The following NCKAP5 variants were observed in gnomAD, a reference collection of about 807,000 sequenced individuals.
The protein encoded by NCKAP5 is NCK associated protein 5.
NCKAP5 carries 92 observed loss-of-function variants against 167.0 expected under a neutral mutation model. The ratio of observed to expected loss-of-function variants is 0.55; its 90% CI spans 0.47 to 0.66. NCKAP5 has a LOEUF of 0.66. Ranked by LOEUF, NCKAP5 falls within the 30% of genes least tolerant of loss-of-function variation. The pLI, the probability that NCKAP5 is intolerant of heterozygous loss-of-function variation, is 0.00. For missense variants in NCKAP5, 2,378 were observed against 2,315.0 expected (o/e 1.03, Z -0.56); for synonymous variants, 891 against 877.4 (o/e 1.02, Z -0.27).
At chr2:132,860,790 T>C (rs1447547) in intron 10 of NCKAP5, among the ~76,000 whole-genome samples, 179 bp from the exon 11 acceptor site, 147,670 of 152,338 alleles carry the variant, frequency 0.97, 71,606 homozygotes, top group East Asian at 1. Context: ...AGAATTATTA[T>C]GTGCAAAGAA....
At chr2:133,033,685 A>C (rs2078953192) in intron 6 of NCKAP5, among the ~76,000 whole-genome samples, 1 of 152,110 alleles carries the variant, frequency 6.6e-6, no homozygotes, top group Non-Finnish European at 1.5e-5. Context: ...AAAAAGAATC[A>C]AGCACTAATT....
intron 4 of NCKAP5, among the ~76,000 whole-genome samples, chr2:133,224,207 G>A (rs1266480903): frequency 6.6e-6 from 1 of 152,166 alleles, no homozygotes; most frequent in Admixed American, 6.5e-5. Context: ...CACTCATGCA[G>A]TCCATGAAGT....
Position 133,138,836 on chromosome 2 carries a change from T to G in NCKAP5, c.208-8725A>C, listed in dbSNP as rs146946152. Among the ~76,000 whole-genome samples the G allele has an allele frequency of 6.9e-4, 105 of 152,336 alleles. 1 individual carries two copies. Among genetic ancestry groups the G allele is most frequent in the African/African-American group, 2.4e-3 (99 of 41,564 alleles). On this transcript the variant is annotated intron_variant, in intron 5 of 19. Transcript: ENST00000409261. ...CAATTCAGATATCTGCATTACACAG[T>G]TGCTCACTACGGGTCAGCTAGACAC...
intron 6 of NCKAP5, among the ~76,000 whole-genome samples, chr2:133,038,825 C>T (rs1054573419): frequency 6.6e-6 from 1 of 151,948 alleles, no homozygotes; most frequent in Non-Finnish European, 1.5e-5. Flanking sequence ...ATAATCAGGT[C>T]TTTTGCCATG....
chr2:133,143,523 T>C (rs543508890), intron 5 of NCKAP5, among the ~76,000 whole-genome samples: 3 of 152,318 alleles, frequency 2.0e-5, no homozygotes, highest in Admixed American at 2.0e-4. Context: ...GCCACTGGCA[T>C]TAAATCTGAA....
At chr2:132,711,355 A>T (rs1688831863) in intron 19 of NCKAP5, among the ~76,000 whole-genome samples, 1 of 152,220 alleles carries the variant, frequency 6.6e-6, no homozygotes, top group African/African-American at 2.4e-5. Context: ...TTATAATAAT[A>T]ACATAGCCAG....
intron 4 of NCKAP5, among the ~76,000 whole-genome samples, chr2:133,297,325 T>C (rs1680038983): frequency 6.6e-6 from 1 of 152,174 alleles, no homozygotes; most frequent in Non-Finnish European, 1.5e-5. Flanking sequence ...ATTCTCAGTT[T>C]TCCTCTTTAG....
chr2:133,110,550 A>G (rs1193855856), intron 6 of NCKAP5, among the ~76,000 whole-genome samples: 2 of 152,216 alleles, frequency 1.3e-5, no homozygotes, highest in Non-Finnish European at 2.9e-5. Context: ...TCTGTCTGTT[A>G]GGGCGAGAAA....
intron 2 of NCKAP5, among the ~76,000 whole-genome samples, chr2:133,519,915 C>T (rs934873632): frequency 6.6e-6 from 1 of 152,080 alleles, no homozygotes; most frequent in Non-Finnish European, 1.5e-5. Context: ...CGGCCGGGCA[C>T]GGTGGCTCAC....
intron 2 of NCKAP5, among the ~76,000 whole-genome samples, chr2:133,548,077 G>A (rs1686910627): frequency 6.8e-6 from 1 of 147,308 alleles, no homozygotes; most frequent in South Asian, 2.2e-4. Context: ...ACTACGTGAA[G>A]AATGCAGAAG....
chr2:133,151,474 T>C (rs1445155270), intron 5 of NCKAP5, among the ~76,000 whole-genome samples: 1 of 151,670 alleles, frequency 6.6e-6, no homozygotes, highest in Non-Finnish European at 1.5e-5. Context: ...CGTTAAGAAG[T>C]GAGCAAAAGA....
intron 7 of NCKAP5, among the ~76,000 whole-genome samples, chr2:132,975,751 G>A (rs1266944788): frequency 6.6e-6 from 1 of 151,820 alleles, no homozygotes; most frequent in African/African-American, 2.4e-5. Context: ...AATTTCAGTG[G>A]GTAATAGTTA....
chr2:132,777,537 A>G (rs185714447), intron 15 of NCKAP5, among the ~76,000 whole-genome samples: 268 of 152,280 alleles, frequency 1.8e-3, no homozygotes, highest in African/African-American at 6.1e-3. Context: ...GTCAAAGCTC[A>G]TTTGAAAAGG....
chr2:133,223,483 C>T (rs888937480), intron 4 of NCKAP5, among the ~76,000 whole-genome samples: 1 of 152,092 alleles, frequency 6.6e-6, no homozygotes, highest in Non-Finnish European at 1.5e-5. Flanking sequence ...GGGAGACCAG[C>T]GACGGCAGTC....
chr2:133,355,335 C>A (rs1684637015), intron 3 of NCKAP5, among the ~76,000 whole-genome samples: 1 of 152,134 alleles, frequency 6.6e-6, no homozygotes, highest in Admixed American at 6.5e-5. Flanking sequence ...AATAAAATGT[C>A]CTGAGATTTG....
intron 4 of NCKAP5, among the ~76,000 whole-genome samples, chr2:133,299,627 T>A (rs1235673669): frequency 2.0e-5 from 3 of 152,076 alleles, no homozygotes; most frequent in Admixed American, 2.0e-4. Flanking sequence ...GGAAGGCACC[T>A]GTAATCCCAG....
chr2:132,784,497 T>C lies in NCKAP5; in HGVS notation c.2314A>G (p.Lys772Glu). 6.4e-7 allele frequency: 1 copy of C among 1,572,638 alleles called. No homozygotes were observed. Among genetic ancestry groups the C allele is most frequent in the Non-Finnish European group, 8.6e-7 (1 of 1,160,348 alleles). ...RTVTQNPQQQKLVKPTHNISC... is the reference protein window; with the variant it reads ...RTVTQNPQQQELVKPTHNISC... The stretch of plus-strand genomic sequence containing the variant: ...ATATTGTGTGTTGGTTTGACCAGCT[T>C]TTGCTGCTGAGGATTTTGTGTCACT... Residue 772 changes from lysine to glutamate, a missense_variant, in exon 14 of 20, where the codon AAG becomes GAG. Transcript: ENST00000409261.
intron 19 of NCKAP5, among the ~76,000 whole-genome samples, chr2:132,724,005 T>C (rs920359761): frequency 6.6e-6 from 1 of 152,150 alleles, no homozygotes; most frequent in Admixed American, 6.5e-5. Flanking sequence ...ATCAGGTTGC[T>C]CTCTCTGCAG....
intron 8 of NCKAP5, among the ~76,000 whole-genome samples, chr2:132,910,045 G>T (rs932247979): frequency 2.2e-4 from 34 of 152,302 alleles, no homozygotes; most frequent in African/African-American, 7.2e-4. Flanking sequence ...TAGTGAAAAC[G>T]TGGAGTCAGT....
Sources: allele counts gnomAD v4.1 joint callset (sites outside exome capture counted in the v4.1 genomes callset), GRCh38; gene constraint gnomAD v4.1.1; transcripts MANE v1.5; gene names NCBI Gene and HGNC (gene_info 2026-07-23, HGNC 2026-07-21).